RASA1: variants seen among roughly 807,000 people sequenced by gnomAD.
RASA1 encodes the protein ras GTPase-activating protein 1.
In RASA1, 25 loss-of-function variants were observed where a neutral mutation model predicts 132.2. The ratio of observed to expected loss-of-function variants is 0.19; its 90% confidence interval spans 0.14 to 0.26. The LOEUF (loss-of-function observed/expected upper bound fraction) is 0.26. Among genes scored for constraint, RASA1 ranks in the 10% least tolerant of loss-of-function variants. The pLI is 1.00. For synonymous variants in RASA1, 477 were observed against 449.9 expected (o/e 1.06, Z -0.76); for missense variants, 964 against 1,299.2 (o/e 0.74, Z 3.97).
chr5:87,338,530 TA>T (rs1367687323), intron 5 of RASA1, among the ~76,000 whole-genome samples: 35 of 97,496 alleles, frequency 3.6e-4, no homozygotes, highest in East Asian at 1.1e-3. Flanking sequence ...TATATATATA[TA>T]TAAAATTTTT....
intron 9 of RASA1, among the ~76,000 whole-genome samples, chr5:87,358,747 G>A (rs1043090560): frequency 1.3e-5 from 2 of 151,832 alleles, no homozygotes; most frequent in Non-Finnish European, 1.5e-5. Context: ...TTCTGAACTC[G>A]TCTCTTCCTA....
intron 9 of RASA1, among the ~76,000 whole-genome samples, chr5:87,359,992 T>C (rs1173070933): frequency 2.0e-5 from 3 of 152,186 alleles, no homozygotes; most frequent in Non-Finnish European, 4.4e-5. Context: ...AATCAGATAC[T>C]TGTCTAATAA....
At chr5:87,388,978 C>T (rs967937920) in intron 23 of RASA1, among the ~76,000 whole-genome samples, 8 of 151,456 alleles carry the variant, frequency 5.3e-5, no homozygotes, top group South Asian at 2.1e-4. Context: ...TGTCATGCTA[C>T]GGAAAAAAAT....
At chr5:87,291,331 AC>A (rs1346678362) in intron 1 of RASA1, among the ~76,000 whole-genome samples, 1 of 152,090 alleles carries the variant, frequency 6.6e-6, no homozygotes, top group Non-Finnish European at 1.5e-5. Flanking sequence ...GGAGTTTGAG[AC>A]CAGCTTGGCC....
In RASA1 at chr5:87,386,840, A is replaced by G. The variant is rs1762095299; in HGVS notation, c.2862A>G (p.Glu954=). Residue 954 remains glutamate, a synonymous_variant, in exon 23 of 25, where the codon GAA becomes GAG. Transcript: ENST00000274376. ...TTATTTTTCAGGAGCCCTACATGGA[A>G]GGTGTCAATCCATTCATCAAAAGCA... The part of the protein sequence containing the change: ...VEFGAKEPYM[E]GVNPFIKSNK... 2 of 1,612,682 alleles carry G rather than the reference A, an allele frequency of 1.2e-6. No individual in the cohort carries two copies. Among genetic ancestry groups the G allele is most frequent in the Non-Finnish European group, 1.7e-6 (2 of 1,179,172 alleles).
At chr5:87,352,623 T>G (rs1484100006) in intron 8 of RASA1, among the ~76,000 whole-genome samples, 4 of 151,880 alleles carry the variant, frequency 2.6e-5, no homozygotes, top group Non-Finnish European at 5.9e-5. Flanking sequence ...CTTTTCTCCC[T>G]ATAGTGATAA....
intron 23 of RASA1, 67 bp from the exon 24 acceptor site, chr5:87,389,326 T>TGTCTC (rs1762296158): frequency 6.3e-7 from 1 of 1,590,476 alleles, no homozygotes; most frequent in Non-Finnish European, 8.6e-7. Flanking sequence ...AGCGAAACTC[T>TGTCTC]GTCTCAAAAA....
intron 23 of RASA1, 76 bp from the exon 24 acceptor site, chr5:87,389,317 G>A (rs1762294239): frequency 2.5e-6 from 4 of 1,572,604 alleles, no homozygotes; most frequent in Non-Finnish European, 2.6e-6. Flanking sequence ...GGCAACAAGA[G>A]CGAAACTCTG....
chr5:87,370,956 A>G (rs1471609410), intron 12 of RASA1, among the ~76,000 whole-genome samples: 1 of 152,162 alleles, frequency 6.6e-6, no homozygotes, highest in Non-Finnish European at 1.5e-5. Flanking sequence ...CATGTAATGC[A>G]CATAAAATTT....
chr5:87,278,268 C>T (rs1049273979), intron 1 of RASA1, among the ~76,000 whole-genome samples: 8 of 151,812 alleles, frequency 5.3e-5, no homozygotes, highest in Non-Finnish European at 1.0e-4. Context: ...ACAGATGGGC[C>T]GGGCGCAGTG....
At position 87,268,488 on chromosome 5, in the gene RASA1, C is replaced by G. The variant is rs1191737466; in HGVS notation, c.37C>G (p.Pro13Ala). 6 of 1,555,596 alleles carry G rather than the reference C, an allele frequency of 3.9e-6. No homozygotes were observed. The highest frequency in any genetic ancestry group is 4.3e-6 in the Non-Finnish European group (5 of 1,151,538). The stretch of plus-strand genomic sequence containing the variant: ...CGAGGCCGGCAGTGAGGAGGGCGGC[C>G]CGGTAACAGCCGGAGCTGGAGGAGG... Reference protein sequence around the residue: ...AAEAGSEEGGPVTAGAGGGGA... With the variant: ...AAEAGSEEGGAVTAGAGGGGA... Residue 13 changes from proline (P) to alanine (A), a missense_variant, in exon 1 of 25, where the codon CCG becomes GCG. Pro to Ala is a conservative substitution (Grantham distance 27). Around this residue, in one of 6 missense-constraint regions of RASA1, gnomAD observed 326 missense variants for 275.8 expected, o/e 1.18. Transcript: ENST00000274376.
rs1761585459 is a variant in RASA1, at chr5:87,379,859, T to A, written c.2603+9T>A. The stretch of plus-strand genomic sequence containing the variant: ...TCAGAAATACTTCCACCGTAAGTGG[T>A]GAAATTTTCATTTGACAAGAAATTG... On this transcript the variant is annotated intron_variant, in intron 19 of 24. Coordinates refer to ENST00000274376, the MANE Select transcript of RASA1 (RefSeq NM_002890.3). 2 of 1,610,852 alleles carry A rather than the reference T, an allele frequency of 1.2e-6. No homozygotes were observed. The highest frequency in any genetic ancestry group is 1.3e-5 in the African/African-American group (1 of 74,808).
At chr5:87,293,234 G>GTAGATT in intron 1 of RASA1, among the ~76,000 whole-genome samples, 1 of 151,522 alleles carries the variant, frequency 6.6e-6, no homozygotes, top group South Asian at 2.1e-4. Flanking sequence ...GGTGTTAGCT[G>GTAGATT]TAGATTTTTT....
At chr5:87,388,229 A>C (rs1762202981) in intron 23 of RASA1, among the ~76,000 whole-genome samples, 1 of 152,162 alleles carries the variant, frequency 6.6e-6, no homozygotes, top group African/African-American at 2.4e-5. Context: ...TTAATCACTG[A>C]ATGTATTCTG....
chr5:87,286,970 CAT>C (rs1754605368), intron 1 of RASA1, among the ~76,000 whole-genome samples: 1 of 144,140 alleles, frequency 6.9e-6, no homozygotes. Context: ...ATATATACAC[CAT>C]ATATATACCA....
In RASA1 at chr5:87,268,800, A is replaced by G. The variant is rs1165985954; in HGVS notation, c.349A>G (p.Thr117Ala). ...TGGACCTAGTGGAGACATGGCTCTC[A>G]CCAAACTGCCCACTTCGTTGCTTGC... The part of the protein sequence containing the change: ...VAGPSGDMAL[T>A]KLPTSLLAET... The change falls in exon 1 of 25, where the codon ACC becomes GCC. Residue 117 changes from threonine (T) to alanine (A), a missense_variant. Physicochemically the swap from Thr to Ala is moderately conservative, Grantham distance 58. This residue lies in a region of RASA1 where 326 missense variants were observed against 275.8 expected (regional missense o/e 1.18). Transcript: ENST00000274376. 6.2e-7 allele frequency: 1 copy of G among 1,613,954 alleles called. No individual in the cohort carries two copies. Among genetic ancestry groups the G allele is most frequent in the Non-Finnish European group, 8.5e-7 (1 of 1,179,980 alleles).
At chr5:87,308,112 C>T (rs147431200) in intron 1 of RASA1, among the ~76,000 whole-genome samples, 2 of 152,148 alleles carry the variant, frequency 1.3e-5, no homozygotes, top group South Asian at 4.2e-4. Context: ...GACCAGAATC[C>T]TGGCCCTTCA....
chr5:87,369,032 C>A (rs1298190689), intron 11 of RASA1, among the ~76,000 whole-genome samples: 1 of 152,106 alleles, frequency 6.6e-6, no homozygotes, highest in African/African-American at 2.4e-5. Flanking sequence ...TAGTCTTTAT[C>A]TTTAATAAGT....
intron 1 of RASA1, among the ~76,000 whole-genome samples, chr5:87,313,027 T>C (rs909433683): frequency 1.3e-5 from 2 of 152,150 alleles, no homozygotes; most frequent in Non-Finnish European, 2.9e-5. Context: ...CTGTGAGTGT[T>C]TTCCCTGAAT....
Sources: gnomAD v4.1 joint callset for allele counts (sites outside exome capture counted in the v4.1 genomes callset) on GRCh38, gnomAD v4.1.1 for gene constraint, gnomAD v4.1.1 regional missense constraint, MANE v1.5 for transcripts, NCBI Gene and HGNC (gene_info 2026-07-23, HGNC 2026-07-21) for gene names.